GEMIN5: variants seen among roughly 807,000 people sequenced by gnomAD.
GEMIN5 encodes gem-associated protein 5.
A neutral mutation model predicts 176.9 loss-of-function variants in GEMIN5; 124 were observed. The ratio of observed to expected loss-of-function variants is 0.70; its 90% CI spans 0.61 to 0.81. The LOEUF is 0.81. Ranked by LOEUF, GEMIN5 falls within the 40% of genes least tolerant of loss-of-function variation. The pLI is 0.00. For missense variants in GEMIN5, 1,843 were observed against 1,814.6 expected, an observed-to-expected ratio of 1.02 and a Z score of -0.28; for synonymous variants, 673 against 665.2, an observed-to-expected ratio of 1.01 and a Z score of -0.18.
intron 21 of GEMIN5, among the ~76,000 whole-genome samples, 172 bp from the exon 22 acceptor site, chr5:154,899,482 C>T (rs965161190): frequency 6.6e-6 from 1 of 152,188 alleles, no homozygotes; most frequent in South Asian, 2.1e-4. Flanking sequence ...ATGCTGCATT[C>T]GTTTCTTCAC....
chr5:154,898,742 G>A (rs1354346305), intron 22 of GEMIN5, 92 bp from the exon 23 acceptor site: 1 of 1,059,860 alleles, frequency 9.4e-7, no homozygotes, highest in South Asian at 1.4e-5. Flanking sequence ...TATCTACTTT[G>A]CTGCATGTGC....
At chr5:154,898,911 T>C (rs1763410577) in intron 22 of GEMIN5, among the ~76,000 whole-genome samples, 1 of 152,138 alleles carries the variant, frequency 6.6e-6, no homozygotes, top group South Asian at 2.1e-4. Flanking sequence ...CCAGCATGGG[T>C]TGAGGTTCCT....
At chr5:154,900,883 A>C (rs1763447576) in intron 21 of GEMIN5, among the ~76,000 whole-genome samples, 2 of 23,914 alleles carry the variant, frequency 8.4e-5, no homozygotes, top group Non-Finnish European at 2.2e-4. Flanking sequence ...AAAATGTAGG[A>C]GGTAATTCTA....
chr5:154,925,614 TAC>T (rs1261641728), intron 8 of GEMIN5, among the ~76,000 whole-genome samples: 4 of 152,232 alleles, frequency 2.6e-5, no homozygotes, highest in Admixed American at 6.5e-5. Flanking sequence ...TCTATGAATA[TAC>T]AGTCAGGCTA....
At chr5:154,889,119 G>A (rs532029219) in intron 27 of GEMIN5, among the ~76,000 whole-genome samples, 25 of 149,576 alleles carry the variant, frequency 1.7e-4, no homozygotes, top group African/African-American at 4.6e-4. Context: ...CTCATGATCC[G>A]CCAGCCTCAG....
intron 24 of GEMIN5, 117 bp downstream of exon 24, chr5:154,895,975 T>G (rs1353281136): frequency 8.0e-7 from 1 of 1,245,878 alleles, no homozygotes; most frequent in East Asian, 2.4e-5. Flanking sequence ...TGGCCATGCC[T>G]TAGCCTTTTC....
chr5:154,926,172 A>G, intron 7 of GEMIN5, 98 bp from the exon 8 acceptor site: 2 of 715,812 alleles, frequency 2.8e-6, no homozygotes, highest in Admixed American at 2.6e-5. Context: ...AAGACTGGGT[A>G]AGGATAATGC....
intron 19 of GEMIN5, 124 bp downstream of exon 19, chr5:154,902,956 T>G: frequency 1.4e-6 from 1 of 696,208 alleles, no homozygotes; most frequent in South Asian, 1.8e-5. Flanking sequence ...GCTCAAAACC[T>G]AGTTAGCTGA....
Position 154,888,394 on chromosome 5 carries a change from T to C in GEMIN5, c.4360-17A>G. The C allele has an allele frequency of 6.2e-7, 1 of 1,607,290 alleles. No homozygotes were observed. The highest frequency in any genetic ancestry group is 1.7e-5 in the Admixed American group (1 of 58,376). Reference sequence around the variant, plus strand: ...GGGCCAGGCCTGAAAGACGATGACATGAGGATGAATAAGGAAGCATTTGCA... The same window carrying C: ...GGGCCAGGCCTGAAAGACGATGACACGAGGATGAATAAGGAAGCATTTGCA... On this transcript the variant is annotated splice_polypyrimidine_tract_variant and intron_variant, in intron 27 of 27. Transcript: ENST00000285873.
chr5:154,911,565 G>T (rs1306047119), intron 15 of GEMIN5, among the ~76,000 whole-genome samples, 162 bp downstream of exon 15: 4 of 152,174 alleles, frequency 2.6e-5, no homozygotes, highest in African/African-American at 9.7e-5. Context: ...ATTGTGGGTG[G>T]TGTTGTTCTC....
intron 13 of GEMIN5, among the ~76,000 whole-genome samples, chr5:154,916,784 T>A (rs1252761342): frequency 6.6e-6 from 1 of 152,222 alleles, no homozygotes; most frequent in East Asian, 1.9e-4. Flanking sequence ...TGTGAGCAAC[T>A]GTGCCTGGCC....
chr5:154,902,568 G>C lies in GEMIN5; in HGVS notation c.2837C>G (p.Thr946Arg). The change falls in exon 20 of 28, where the codon ACA becomes AGA. Residue 946 changes from threonine (T) to arginine (R), a missense_variant. Coordinates refer to ENST00000285873, the MANE Select transcript of GEMIN5 (RefSeq NM_015465.5). ...TGGTGCCATAGCCACAAGGTTGTCT[G>C]TCAGCTCCCCTCTTTCTGCTGCAGT... is the stretch of plus-strand genomic sequence containing the variant. The part of the protein sequence containing the change: ...LQTAAERGEL[T>R]DNLVAMAPAA... The C allele has an allele frequency of 6.2e-7, 1 of 1,614,120 alleles. No homozygotes were observed. Among genetic ancestry groups the C allele is most frequent in the Admixed American group, 1.7e-5 (1 of 60,030 alleles).
intron 9 of GEMIN5, among the ~76,000 whole-genome samples, 199 bp downstream of exon 9, chr5:154,924,270 G>C (rs572718747): frequency 5.3e-5 from 8 of 152,296 alleles, no homozygotes; most frequent in African/African-American, 1.7e-4. Context: ...ATAGGGAACA[G>C]GGAAATGAGT....
chr5:154,905,275 C>A, intron 17 of GEMIN5, 88 bp downstream of exon 17: 2 of 576,698 alleles, frequency 3.5e-6, no homozygotes, highest in Admixed American at 3.1e-5. Flanking sequence ...AACAAGAAAC[C>A]ACACTGTTTT....
intron 15 of GEMIN5, among the ~76,000 whole-genome samples, chr5:154,908,369 C>T (rs188533234): frequency 0.013 from 2,007 of 151,910 alleles, 24 homozygotes; most frequent in South Asian, 0.041. Context: ...TCAGTAGAGA[C>T]GGGGTTTCAC....
intron 6 of GEMIN5, among the ~76,000 whole-genome samples, chr5:154,927,812 T>C (rs979538954): frequency 6.6e-6 from 1 of 151,970 alleles, no homozygotes; most frequent in Non-Finnish European, 1.5e-5. Context: ...GGCAACAAAG[T>C]GAGACCGTCC....
chr5:154,921,872 A>G (rs571558746), intron 9 of GEMIN5, among the ~76,000 whole-genome samples: 1 of 152,356 alleles, frequency 6.6e-6, no homozygotes, highest in South Asian at 2.1e-4. Context: ...TGTCTTTTAA[A>G]GAAGGCGTAC....
At chr5:154,928,007 T>G (rs181799692) in intron 6 of GEMIN5, among the ~76,000 whole-genome samples, 13 of 151,970 alleles carry the variant, frequency 8.6e-5, no homozygotes, top group Middle Eastern at 3.4e-3. Flanking sequence ...AAAAAAAAAT[T>G]TAATCACAGA....
rs951976333 is a variant in GEMIN5 at position 154,938,210 on chromosome 5, G to A, written c.-77C>T. ...CCTCACGCCTTAGGTAGGGAGCGGG[G>A]CGGGGTGAACTCCGAGCCCCGCCTT... On this transcript the variant is annotated 5_prime_UTR_variant, in exon 1 of 28. Coordinates refer to ENST00000285873, the MANE Select transcript of GEMIN5 (RefSeq NM_015465.5). The A allele has an allele frequency of 1.1e-4, 130 of 1,201,878 alleles. No individual in the cohort carries two copies. Among genetic ancestry groups the A allele is most frequent in the Admixed American group, 7.5e-4 (18 of 23,994 alleles). The allele number at this position is 1,201,878 out of a possible 1,614,324, so 74.5% of individuals were successfully genotyped here.
Sources: gnomAD v4.1 joint callset for allele counts (sites outside exome capture counted in the v4.1 genomes callset) on GRCh38, gnomAD v4.1.1 for gene constraint, MANE v1.5 for transcripts, NCBI Gene and HGNC (gene_info 2026-07-23, HGNC 2026-07-21) for gene names.